The following DENND4C variants were observed in gnomAD, a reference collection of about 807,000 sequenced individuals.
DENND4C encodes DENN domain-containing protein 4C.
A neutral mutation model predicts 203.0 loss-of-function variants in DENND4C; 108 were observed. That is an observed-to-expected ratio of 0.53 (90% CI 0.46 to 0.62). The LOEUF (loss-of-function observed/expected upper bound fraction) is 0.62, where lower values mean the gene tolerates loss of function less well. Ranked by LOEUF, DENND4C falls within the 20% of genes least tolerant of loss-of-function variation. DENND4C has a pLI of 0.00. For missense variants in DENND4C, 2,481 were observed against 2,301.2 expected, an observed-to-expected ratio of 1.08 and a Z score of -1.60; for synonymous variants, 871 against 792.4, an observed-to-expected ratio of 1.10 and a Z score of -1.67.
chr9:19,251,105 C>G (rs200632801), intron 1 of DENND4C, among the ~76,000 whole-genome samples: 2 of 152,264 alleles, frequency 1.3e-5, no homozygotes, highest in East Asian at 3.8e-4. Flanking sequence ...CATGAGGGCC[C>G]CGCCCCTGCA....
chr9:19,372,070 A>G lies in DENND4C; in HGVS notation c.5774A>G (p.Asn1925Ser), dbSNP rs544681555. The G allele has an allele frequency of 2.0e-5, 33 of 1,613,820 alleles. No homozygotes were observed. In the South Asian group the frequency reaches 2.7e-4, roughly 13 times the overall value. ...GACAATGAATATGGAATTGCATACAATAGTCTGTCTTCAGAGATTCTTGAA... is the reference window on the plus strand; with the variant it reads ...GACAATGAATATGGAATTGCATACAGTAGTCTGTCTTCAGAGATTCTTGAA... Reference protein sequence around the residue: ...AFDNEYGIAYNSLSSEILERL... With the variant: ...AFDNEYGIAYSSLSSEILERL... Residue 1925 changes from asparagine to serine, a missense_variant, in exon 33 of 33, where the codon AAT becomes AGT. Physicochemically the swap from Asn to Ser is conservative, Grantham distance 46. Around this residue, in one of 3 missense-constraint regions of DENND4C, gnomAD observed 2,289 missense variants for 2,113.3 expected, o/e 1.08. Coordinates refer to ENST00000434457, the MANE Select transcript of DENND4C (RefSeq NM_001330640.2).
chr9:19,356,011 G>A (rs1825318261), intron 26 of DENND4C, among the ~76,000 whole-genome samples: 1 of 151,768 alleles, frequency 6.6e-6, no homozygotes, highest in African/African-American at 2.4e-5. Context: ...TTTCAAATTG[G>A]GTATAAAGGA....
intron 1 of DENND4C, among the ~76,000 whole-genome samples, chr9:19,263,183 A>T (rs771196376): frequency 6.6e-6 from 1 of 152,196 alleles, no homozygotes; most frequent in Admixed American, 6.5e-5. Context: ...TTCAACATCA[A>T]TTGAAATGAT....
intron 27 of DENND4C, chr9:19,357,710 T>C (rs1170781621): frequency 2.9e-6 from 1 of 343,946 alleles, no homozygotes; most frequent in South Asian, 8.1e-5. Context: ...ATGGGTACTT[T>C]GTCTTTTTAA....
intron 1 of DENND4C, among the ~76,000 whole-genome samples, chr9:19,247,117 T>C (rs1825474624): frequency 1.3e-5 from 2 of 152,220 alleles, no homozygotes; most frequent in South Asian, 4.1e-4. Flanking sequence ...ATAAAAACTT[T>C]ACTTGGTTTT....
chr9:19,303,136 A>G (rs1285458571), intron 9 of DENND4C, among the ~76,000 whole-genome samples: 1 of 151,988 alleles, frequency 6.6e-6, no homozygotes, highest in Non-Finnish European at 1.5e-5. Context: ...TGCTGGTTGA[A>G]CATCCCTAAT....
intron 1 of DENND4C, among the ~76,000 whole-genome samples, chr9:19,266,211 G>C (rs559365306): frequency 5.3e-4 from 81 of 152,320 alleles, no homozygotes; most frequent in Non-Finnish European, 9.7e-4. Flanking sequence ...GGCCAGTGAT[G>C]ATGAGCATTT....
chr9:19,267,756 C>G (rs1276959168), intron 1 of DENND4C, among the ~76,000 whole-genome samples: 1 of 151,984 alleles, frequency 6.6e-6, no homozygotes, highest in African/African-American at 2.4e-5. Flanking sequence ...CCAGGCTAGT[C>G]TCAAATTCCT....
chr9:19,333,076 A>C (rs1482547759), intron 17 of DENND4C, among the ~76,000 whole-genome samples: 1 of 151,820 alleles, frequency 6.6e-6, no homozygotes, highest in Non-Finnish European at 1.5e-5. Flanking sequence ...GTGCAGTGGC[A>C]CTGTCACAGC....
At position 19,358,631 on chromosome 9, in the gene DENND4C, G is replaced by A. The variant is rs1189871904; in HGVS notation, c.5160+471G>A. Among the ~76,000 whole-genome samples the A allele has an allele frequency of 6.6e-6, 1 of 151,836 alleles. No homozygotes were observed. The highest frequency in any genetic ancestry group is 2.1e-4 in the South Asian group (1 of 4,826). On this transcript the variant is annotated intron_variant, in intron 28 of 32. Transcript: ENST00000434457. The surrounding 1 kb of genome is among the most constrained non-coding windows in gnomAD (Gnocchi z 4.8). Reference sequence around the variant, plus strand: ...ATGTCAAATGCATATGTGTGCTTGTGTATGTGTGGGTTGTAGTTTGAGGAA... The same window carrying A: ...ATGTCAAATGCATATGTGTGCTTGTATATGTGTGGGTTGTAGTTTGAGGAA...
rs527993483 is a variant in DENND4C at position 19,341,321 on chromosome 9, T to C, written c.3004+207T>C. Among the ~76,000 whole-genome samples the C allele has an allele frequency of 5.1e-4, 77 of 150,250 alleles. No individual in the cohort carries two copies. The East Asian group carries it at 0.015, about 29-fold the overall frequency. On this transcript the variant is annotated intron_variant, in intron 21 of 32. Coordinates refer to ENST00000434457, the MANE Select transcript of DENND4C (RefSeq NM_001330640.2). ...GAACTTTCTTTCTTTCTTTTTTTTT[T>C]TTTTTTTTTGAGGCAGGGTCTTGCT...
chr9:19,241,217 A>G (rs1049398929), intron 1 of DENND4C, among the ~76,000 whole-genome samples: 3 of 152,172 alleles, frequency 2.0e-5, no homozygotes, highest in African/African-American at 4.8e-5. Context: ...TTTTTCTTTG[A>G]TCAATAGTAA....
intron 24 of DENND4C, among the ~76,000 whole-genome samples, chr9:19,351,471 A>T (rs1824095500): frequency 6.6e-6 from 1 of 152,126 alleles, no homozygotes. Flanking sequence ...ACTTTTTAAA[A>T]TTATAATTCG....
chr9:19,361,288 C>T (rs1826440994), intron 29 of DENND4C, among the ~76,000 whole-genome samples: 1 of 152,162 alleles, frequency 6.6e-6, no homozygotes, highest in East Asian at 1.9e-4. Context: ...TTAGTAATTT[C>T]TGTAAGGTGA....
At chr9:19,262,906 C>A (rs1335541755) in intron 1 of DENND4C, among the ~76,000 whole-genome samples, 2 of 152,192 alleles carry the variant, frequency 1.3e-5, no homozygotes, top group Non-Finnish European at 2.9e-5. Flanking sequence ...TGACTAGTTC[C>A]TTTCCAATTT....
Position 19,350,735 on chromosome 9 carries a change from G to C in DENND4C, c.4351G>C (p.Gly1451Arg), listed in dbSNP as rs755726292. ...ETNRDYSFPA[G>R]LEDHILGENI... The stretch of plus-strand genomic sequence containing the variant: ...TAATAGAGACTACAGCTTCCCAGCT[G>C]GCCTAGAAGACCATATTTTGGGGGA... Residue 1451 changes from glycine (G) to arginine (R), a missense_variant, in exon 24 of 33, where the codon GGC (glycine) becomes CGC (arginine). Around this residue, in one of 3 missense-constraint regions of DENND4C, gnomAD observed 2,289 missense variants for 2,113.3 expected, o/e 1.08. Transcript: ENST00000434457. 4 of 1,613,570 alleles carry C rather than the reference G, an allele frequency of 2.5e-6. No individual in the cohort carries two copies. The East Asian group carries it at 8.9e-5, about 36-fold the overall frequency.
intron 16 of DENND4C, among the ~76,000 whole-genome samples, chr9:19,328,826 A>G (rs1393723587): frequency 2.6e-5 from 4 of 151,950 alleles, no homozygotes; most frequent in Admixed American, 2.0e-4. Context: ...AGGCAGGTGG[A>G]TCACCTGAGG....
At chr9:19,364,188 T>C (rs949041569) in intron 30 of DENND4C, among the ~76,000 whole-genome samples, 5 of 151,658 alleles carry the variant, frequency 3.3e-5, no homozygotes, top group African/African-American at 1.2e-4. Flanking sequence ...CCCGCCTTCC[T>C]GTCTGTTAAG....
intron 30 of DENND4C, 24 bp downstream of exon 30, chr9:19,361,987 A>AT: frequency 6.8e-7 from 1 of 1,462,956 alleles, no homozygotes; most frequent in Non-Finnish European, 9.6e-7. Context: ...AATTAAAGAC[A>AT]TAACAGCCAG....
Sources: allele counts gnomAD v4.1 joint callset (sites outside exome capture counted in the v4.1 genomes callset), GRCh38; gene constraint gnomAD v4.1.1; regional missense constraint gnomAD v4.1.1; non-coding constraint Gnocchi (gnomAD v3.1); transcripts MANE v1.5; gene names NCBI Gene and HGNC (gene_info 2026-07-23, HGNC 2026-07-21).